CSMD1: variants seen among roughly 807,000 people sequenced by gnomAD.
The protein encoded by CSMD1 is CUB and sushi domain-containing protein 1.
CSMD1 carries 213 observed loss-of-function variants against 417.5 expected under a neutral mutation model. The observed-to-expected ratio is 0.51, with a 90% confidence interval of 0.46 to 0.57. The LOEUF (loss-of-function observed/expected upper bound fraction) is 0.57, where lower values mean the gene tolerates loss of function less well. Ranked by LOEUF, CSMD1 falls within the 20% of genes least tolerant of loss-of-function variation. The pLI is 0.00. For missense variants in CSMD1, 6,923 were observed against 4,529.7 expected (o/e 1.53, Z -15.17); for synonymous variants, 2,862 against 1,736.8 (o/e 1.65, Z -16.11).
chr8:3,380,245 G>T (rs1286427293), intron 18 of CSMD1, among the ~76,000 whole-genome samples: 2 of 152,182 alleles, frequency 1.3e-5, no homozygotes, highest in Non-Finnish European at 2.9e-5. Context: ...AACAACAGAT[G>T]CTGGAGAGGC....
chr8:3,618,190 G>C (rs989250988), intron 7 of CSMD1, among the ~76,000 whole-genome samples: 5 of 152,028 alleles, frequency 3.3e-5, no homozygotes, highest in African/African-American at 9.7e-5. Flanking sequence ...ATCTTTTCTA[G>C]AGATGGAGTC....
At chr8:4,039,746 T>C (rs1055402678) in intron 3 of CSMD1, among the ~76,000 whole-genome samples, 1 of 152,114 alleles carries the variant, frequency 6.6e-6, no homozygotes, top group Non-Finnish European at 1.5e-5. Context: ...GAAAGATAAA[T>C]TGATGTGGGG....
chr8:3,147,708 G>T lies in CSMD1; in HGVS notation c.6031+3689C>A, dbSNP rs542478336. 3.6e-3 allele frequency among the ~76,000 whole-genome samples: 555 copies of T among 152,212 alleles called. 1 individual carries two copies. Among genetic ancestry groups the T allele is most frequent in the Non-Finnish European group, 6.2e-3 (422 of 68,006 alleles). On this transcript the variant is annotated intron_variant, in intron 40 of 69. Coordinates refer to ENST00000635120, the MANE Select transcript of CSMD1 (RefSeq NM_033225.6). ...TACTATAAATCTGACACTCTCTTAG[G>T]GTCTAAGGCAATCAAGTTTCCCATA...
At chr8:3,004,576 TATAG>T (rs1433536731) in intron 52 of CSMD1, among the ~76,000 whole-genome samples, 1 of 152,212 alleles carries the variant, frequency 6.6e-6, no homozygotes, top group African/African-American at 2.4e-5. Context: ...ATCCAATGTA[TATAG>T]ATAGACAATG....
At chr8:3,654,170 G>A (rs7813880) in intron 7 of CSMD1, among the ~76,000 whole-genome samples, 1 of 152,066 alleles carries the variant, frequency 6.6e-6, no homozygotes, top group East Asian at 1.9e-4. Flanking sequence ...ACACATCACT[G>A]AAGACATCAT....
intron 5 of CSMD1, among the ~76,000 whole-genome samples, chr8:3,857,008 T>A (rs1370650820): frequency 6.6e-6 from 1 of 152,148 alleles, no homozygotes; most frequent in African/African-American, 2.4e-5. Context: ...ATTTTTGTAA[T>A]GGCATGGCAA....
In CSMD1 at chr8:3,435,875, C is replaced by A. The variant is rs114184450; in HGVS notation, c.1562-26270G>T. 8.5e-3 allele frequency among the ~76,000 whole-genome samples: 1,297 copies of A among 152,328 alleles called. 17 individuals carry two copies. The highest frequency in any genetic ancestry group is 0.03 in the African/African-American group (1,227 of 41,578). On this transcript the variant is annotated intron_variant, in intron 12 of 69. Transcript: ENST00000635120. Reference sequence around the variant, plus strand: ...GATTCCTCCTGACTTTGCTTCTGCCCCACTGGAAAGATCTTCCCCTTGGAT... The same window carrying A: ...GATTCCTCCTGACTTTGCTTCTGCCACACTGGAAAGATCTTCCCCTTGGAT...
chr8:3,809,994 C>T (rs147528362), intron 5 of CSMD1, among the ~76,000 whole-genome samples: 194 of 152,272 alleles, frequency 1.3e-3, no homozygotes, highest in African/African-American at 3.9e-3. Context: ...AAATAGACAC[C>T]AGCTCTGACT....
chr8:3,253,239 C>T (rs550707110), intron 26 of CSMD1, among the ~76,000 whole-genome samples: 15 of 152,102 alleles, frequency 9.9e-5, no homozygotes, highest in South Asian at 4.2e-4. Flanking sequence ...TCTTTGCTCT[C>T]GTTGGTTTCA....
intron 8 of CSMD1, chr8:3,598,307 C>A (rs762977423): frequency 6.6e-6 from 1 of 152,246 alleles, no homozygotes; most frequent in African/African-American, 2.4e-5. Flanking sequence ...CTCGCACCTA[C>A]TTTCCTCTAT....
Position 2,957,847 on chromosome 8 carries a change from A to C in CSMD1, c.9703-40T>G, listed in dbSNP as rs757067181. The C allele has an allele frequency of 1.0e-5, 14 of 1,377,494 alleles. No individual in the cohort carries two copies. In the Admixed American group the frequency reaches 1.6e-4, roughly 15 times the overall value. The allele number at this position is 1,377,494 out of a possible 1,614,324, so 85.3% of individuals were successfully genotyped here. ...CAATACTAGCTTCAGAGGCCAAGGG[A>C]ATATACGAAGTGTCAACTAGTGATA... On this transcript the variant is annotated intron_variant, in intron 62 of 69. Transcript: ENST00000635120.
chr8:4,336,686 G>A (rs773805312), intron 3 of CSMD1, among the ~76,000 whole-genome samples: 2 of 152,092 alleles, frequency 1.3e-5, no homozygotes, highest in African/African-American at 4.8e-5. Flanking sequence ...GTCCTTCGAA[G>A]ACAAAGTAGA....
intron 1 of CSMD1, among the ~76,000 whole-genome samples, chr8:4,884,991 C>G (rs979360625): frequency 1.2e-4 from 18 of 152,082 alleles, no homozygotes; most frequent in Non-Finnish European, 2.1e-4. Flanking sequence ...GTATTTCATC[C>G]TATTTATTTA....
At chr8:4,315,652 A>C (rs1335292524) in intron 3 of CSMD1, among the ~76,000 whole-genome samples, 1 of 152,216 alleles carries the variant, frequency 6.6e-6, no homozygotes, top group Non-Finnish European at 1.5e-5. Context: ...TTATAGAATC[A>C]AGGTTTACAT....
intron 1 of CSMD1, among the ~76,000 whole-genome samples, chr8:4,736,626 C>T (rs1408835980): frequency 2.0e-5 from 3 of 152,070 alleles, no homozygotes; most frequent in African/African-American, 7.2e-5. Flanking sequence ...CAGGGAAAGG[C>T]AGTGACACCT....
chr8:4,164,492 T>C (rs1271696372), intron 3 of CSMD1, among the ~76,000 whole-genome samples: 5 of 152,076 alleles, frequency 3.3e-5, no homozygotes, highest in Non-Finnish European at 7.3e-5. Context: ...TCAAACGCAA[T>C]GCCAGCTAAT....
chr8:4,257,714 G>A (rs529687969), intron 3 of CSMD1, among the ~76,000 whole-genome samples: 1 of 152,242 alleles, frequency 6.6e-6, no homozygotes, highest in East Asian at 1.9e-4. Context: ...GTGTCACTGG[G>A]TACCAAATAC....
intron 23 of CSMD1, among the ~76,000 whole-genome samples, chr8:3,322,982 C>T (rs952341539): frequency 2.0e-5 from 3 of 152,114 alleles, no homozygotes; most frequent in African/African-American, 7.2e-5. Flanking sequence ...ACACTGAAGC[C>T]TTCCTCATCA....
chr8:4,804,300 C>T (rs1248954593), intron 1 of CSMD1, among the ~76,000 whole-genome samples: 1 of 151,912 alleles, frequency 6.6e-6, no homozygotes, highest in Non-Finnish European at 1.5e-5. Context: ...AGAGCAGAAG[C>T]AATTAATAAT....
Sources: gnomAD v4.1 joint callset for allele counts (sites outside exome capture counted in the v4.1 genomes callset) on GRCh38, gnomAD v4.1.1 for gene constraint, MANE v1.5 for transcripts, NCBI Gene and HGNC (gene_info 2026-07-23, HGNC 2026-07-21) for gene names.